The following KRI1 variants were observed in gnomAD, a reference collection of about 807,000 sequenced individuals.
The protein encoded by KRI1 is protein KRI1 homolog.
In KRI1, 83 loss-of-function variants were observed where a neutral mutation model predicts 97.0. The observed-to-expected ratio is 0.86, with a 90% CI of 0.72 to 1.03. The LOEUF (loss-of-function observed/expected upper bound fraction) is 1.03. Ranked by LOEUF, KRI1 falls within the 50% of genes least tolerant of loss-of-function variation. KRI1 has a pLI of 0.00. For missense variants in KRI1, 916 were observed against 928.4 expected (o/e 0.99, Z 0.17); for synonymous variants, 371 against 363.5 (o/e 1.02, Z -0.23).
intron 2 of KRI1, 156 bp from the exon 3 acceptor site, chr19:10,565,190 C>T: frequency 1.5e-6 from 1 of 653,342 alleles, no homozygotes; most frequent in Non-Finnish European, 2.7e-6. Context: ...GAGAGGGGCC[C>T]TCTTGGGGTG....
rs765399870 is a variant in KRI1, at chr19:10,560,957, C to T, written c.663+46G>A. 2.8e-5 allele frequency: 41 copies of T among 1,438,824 alleles called. No homozygotes were observed. In the Middle Eastern group the frequency reaches 5.3e-4, roughly 18 times the overall value. The allele number at this position is 1,438,824 out of a possible 1,614,324, so 89.1% of individuals were successfully genotyped here. The stretch of plus-strand genomic sequence containing the variant: ...TTTCTGTAAATAGGTTGGATGGACG[C>T]GGAACACGCGGTCTACTCCATCAGC... On this transcript the variant is annotated intron_variant, in intron 8 of 18. Transcript: ENST00000312962.
intron 4 of KRI1, 63 bp from the exon 5 acceptor site, chr19:10,561,908 T>TG: frequency 1.3e-6 from 2 of 1,493,490 alleles, no homozygotes; most frequent in Non-Finnish European, 1.9e-6. Context: ...CCCATGCCCA[T>TG]GCGGAGCAGC....
Position 10,559,507 on chromosome 19 carries a change from T to G in KRI1, c.1046A>C (p.Glu349Ala). 6.2e-7 allele frequency: 1 copy of G among 1,614,006 alleles called. No homozygotes were observed. The highest frequency in any genetic ancestry group is 8.5e-7 in the Non-Finnish European group (1 of 1,179,988). Residue 349 changes from glutamate to alanine, a missense_variant, in exon 12 of 19, where the codon GAG becomes GCG. Transcript: ENST00000312962. ...KKREKAKKQEELKQLKNLKRK... is the reference protein window; with the variant it reads ...KKREKAKKQEALKQLKNLKRK... The stretch of plus-strand genomic sequence containing the variant: ...CTTCAGGTTCTTCAGCTGCTTGAGC[T>G]CTTCCTGCTTCTTTGCTTTCTCCTG...
In KRI1 at chr19:10,558,001, C is replaced by T; in HGVS notation, c.1330G>A (p.Glu444Lys). The change falls in exon 14 of 19, where the codon GAG (glutamate) becomes AAG (lysine). Residue 444 changes from glutamate (E) to lysine (K), a missense_variant. This residue lies in a region of KRI1 where 672 missense variants were observed against 667.2 expected (regional missense o/e 1.01). Coordinates refer to ENST00000312962, the MANE Select transcript of KRI1 (RefSeq NM_023008.5). The stretch of plus-strand genomic sequence containing the variant: ...AAGTTGGGGTCCTCACAGTGCAGCT[C>T]CTGCTGGCTCCAGTCTCCCTCCTGC... ...PEQEGDWSQQ[E>K]LHCEDPNFNM... is the part of the protein sequence containing the mutation. The T allele has an allele frequency of 6.2e-7, 1 of 1,614,118 alleles. No individual in the cohort carries two copies. Among genetic ancestry groups the T allele is most frequent in the African/African-American group, 1.3e-5 (1 of 75,042 alleles).
chr19:10,557,907 C>A lies in KRI1; in HGVS notation c.1360-12G>T. The stretch of plus-strand genomic sequence containing the variant: ...TAGTCGGCGTCCATCTGCCAGGACG[C>A]ACAGGTCAGATCCCACCAGCCCCCC... On this transcript the variant is annotated splice_polypyrimidine_tract_variant and intron_variant, in intron 14 of 18. Coordinates refer to ENST00000312962, the MANE Select transcript of KRI1 (RefSeq NM_023008.5). The A allele has an allele frequency of 6.2e-7, 1 of 1,613,692 alleles. No individual in the cohort carries two copies. Among genetic ancestry groups the A allele is most frequent in the Admixed American group, 1.7e-5 (1 of 59,996 alleles).
intron 2 of KRI1, 67 bp from the exon 3 acceptor site, chr19:10,565,101 G>C: frequency 9.4e-7 from 1 of 1,059,414 alleles, no homozygotes. Flanking sequence ...GCGCCAGCAG[G>C]TGAGCTCAGC....
rs1568425459 is a variant in KRI1, at chr19:10,565,994, C to CGGCATGGCGGTTCT, written c.-9_5dup (p.Arg5ProfsTer13). On this transcript the variant is annotated frameshift_variant, in exon 1 of 19. Transcript: ENST00000312962. LOFTEE classifies it high-confidence loss of function. ...GCAGCTGCGACGACCCGCGCGGTTC[C>CGGCATGGCGGTTCT]GGCATGGCGGTTCTGTGGCCCATTG... 2 of 1,520,474 alleles carry CGGCATGGCGGTTCT rather than the reference C, an allele frequency of 1.3e-6. No homozygotes were observed. The highest frequency in any genetic ancestry group is 2.0e-5 in the Admixed American group (1 of 49,038). The allele number at this position is 1,520,474 out of a possible 1,614,324, so 94.2% of individuals were successfully genotyped here.
Position 10,554,035 on chromosome 19 carries a change from G to A in KRI1, c.2028C>T (p.Ala676=). Residue 676 remains alanine, a synonymous_variant, in exon 19 of 19, where the codon GCC becomes GCT. Coordinates refer to ENST00000312962, the MANE Select transcript of KRI1 (RefSeq NM_023008.5). ...GCAGCCGTTTGGGGTTGAGGCCAAAGGCCTGCAGTCTCTGGCGGCTGAACT... is the reference window on the plus strand; with the variant it reads ...GCAGCCGTTTGGGGTTGAGGCCAAAAGCCTGCAGTCTCTGGCGGCTGAACT... ...GCEFSRQRLQ[A]FGLNPKRLHF... is the part of the protein sequence containing the mutation. The A allele has an allele frequency of 6.2e-7, 1 of 1,614,206 alleles. No individual in the cohort carries two copies. The highest frequency in any genetic ancestry group is 8.5e-7 in the Non-Finnish European group (1 of 1,180,040).
intron 8 of KRI1, 30 bp downstream of exon 8, chr19:10,560,972 AC>A: frequency 6.6e-7 from 1 of 1,524,462 alleles, no homozygotes; most frequent in Non-Finnish European, 9.1e-7. Flanking sequence ...CACGCGGTCT[AC>A]TCCATCAGCG....
rs1008083372 is a variant in KRI1, at chr19:10,558,013, A to G, written c.1318T>C (p.Trp440Arg). ...TWDGPEQEGDWSQQELHCEDP... is the reference protein window; with the variant it reads ...TWDGPEQEGDRSQQELHCEDP... ...TCACAGTGCAGCTCCTGCTGGCTCCAGTCTCCCTCCTGCTCAGGCCCGTCC... is the reference window on the plus strand; with the variant it reads ...TCACAGTGCAGCTCCTGCTGGCTCCGGTCTCCCTCCTGCTCAGGCCCGTCC... Residue 440 changes from tryptophan (W) to arginine (R), a missense_variant, in exon 14 of 19, where the codon TGG (tryptophan) becomes CGG (arginine). By Grantham distance (101) the Trp-to-Arg change is moderately radical (BLOSUM62 -3). Coordinates refer to ENST00000312962, the MANE Select transcript of KRI1 (RefSeq NM_023008.5). 4 of 1,614,010 alleles carry G rather than the reference A, an allele frequency of 2.5e-6. No homozygotes were observed. Among genetic ancestry groups the G allele is most frequent in the Non-Finnish European group, 3.4e-6 (4 of 1,179,962 alleles).
chr19:10,553,256 C>G lies in KRI1; in HGVS notation c.*695G>C. ...CAGAGCCCATACACCTGTCTCCCAC[C>G]AGCGGGGCCCTCCTGGCAGGGTAGG... On this transcript the variant is annotated 3_prime_UTR_variant, in exon 19 of 19. Transcript: ENST00000312962. 1.4e-6 allele frequency: 1 copy of G among 710,998 alleles called. No individual in the cohort carries two copies. The highest frequency in any genetic ancestry group is 2.2e-6 in the Non-Finnish European group (1 of 461,320). The allele number at this position is 710,998 out of a possible 1,614,324, so 44.0% of individuals were successfully genotyped here. A position where few individuals can be genotyped will look rare whatever the true frequency, so the allele number is the denominator to read the frequency against.
rs1337706680 is a variant in KRI1, at chr19:10,559,409, CCT to C, written c.1142_1143del (p.Glu381GlyfsTer4). 1 of 1,614,090 alleles carries C rather than the reference CCT, an allele frequency of 6.2e-7. No homozygotes were observed. The highest frequency in any genetic ancestry group is 1.1e-5 in the South Asian group (1 of 91,084). On this transcript the variant is annotated frameshift_variant, in exon 12 of 19. Coordinates refer to ENST00000312962, the MANE Select transcript of KRI1 (RefSeq NM_023008.5). LOFTEE classifies it high-confidence loss of function. Reference sequence around the variant, plus strand: ...GGGTCGAAGTCGTCTTCAAGGTCCCCCTCCTCGAGGCCCAGCATCTCGTTGCC... The same window carrying C: ...GGGTCGAAGTCGTCTTCAAGGTCCCCCCTCGAGGCCCAGCATCTCGTTGCC... ...VTGNEMLGLE[E>X]GDLEDDFDPA...
Position 10,557,979 on chromosome 19 carries a change from T to C in KRI1, c.1352A>G (p.Asn451Ser). The C allele has an allele frequency of 6.2e-7, 1 of 1,614,064 alleles. No homozygotes were observed. The highest frequency in any genetic ancestry group is 8.5e-7 in the Non-Finnish European group (1 of 1,179,998). ...TCAACCCGTGATACCTACGTTGAAG[T>C]TGGGGTCCTCACAGTGCAGCTCCTG... is the stretch of plus-strand genomic sequence containing the variant. ...SQQELHCEDP[N>S]FNMDADYDPS... Residue 451 changes from asparagine (N) to serine (S), a missense_variant, in exon 14 of 19, where the codon AAC (asparagine) becomes AGC (serine). Asn to Ser is a conservative substitution (Grantham distance 46). Coordinates refer to ENST00000312962, the MANE Select transcript of KRI1 (RefSeq NM_023008.5).
Position 10,559,909 on chromosome 19 carries a change from A to G in KRI1, c.828T>C (p.Ala276=), listed in dbSNP as rs767042391. The part of the protein sequence containing the change: ...EGVHGPPVQL[A]VDDSSDEGEL... Reference sequence around the variant, plus strand: ...CCCCTTCGTCTGAGGAGTCGTCCACAGCCAGCTGGACTGGGGGACCGTGGA... The same window carrying G: ...CCCCTTCGTCTGAGGAGTCGTCCACGGCCAGCTGGACTGGGGGACCGTGGA... Residue 276 remains alanine (A), a synonymous_variant, in exon 10 of 19, where the codon GCT becomes GCC. Transcript: ENST00000312962. 6.2e-7 allele frequency: 1 copy of G among 1,612,610 alleles called. No individual in the cohort carries two copies. Among genetic ancestry groups the G allele is most frequent in the Non-Finnish European group, 8.5e-7 (1 of 1,179,958 alleles).
Position 10,553,860 on chromosome 19 carries a change from T to A in KRI1, c.*91A>T. 1 of 1,089,724 alleles carries A rather than the reference T, an allele frequency of 9.2e-7. No homozygotes were observed. Among genetic ancestry groups the A allele is most frequent in the Non-Finnish European group, 1.3e-6 (1 of 784,664 alleles). The allele number at this position is 1,089,724 out of a possible 1,614,324, so 67.5% of individuals were successfully genotyped here. ...GCGTGCCTGGCCACAGATGAGAGGA[T>A]CTCTGCAGCAGATAGTACTTGTGGG... is the stretch of plus-strand genomic sequence containing the variant. On this transcript the variant is annotated 3_prime_UTR_variant, in exon 19 of 19. Transcript: ENST00000312962.
At chr19:10,560,533 G>C (rs1678032738) in intron 8 of KRI1, 85 bp from the exon 9 acceptor site, 1 of 985,690 alleles carries the variant, frequency 1.0e-6, no homozygotes, top group African/African-American at 1.6e-5. Flanking sequence ...CTCACAGCCA[G>C]CCTCTGGAGT....
At chr19:10,557,043 C>A (rs529509250) in intron 16 of KRI1, among the ~76,000 whole-genome samples, 2 of 151,768 alleles carry the variant, frequency 1.3e-5, no homozygotes, top group Middle Eastern at 3.4e-3. Flanking sequence ...AAGCCCCCAC[C>A]TTGTAGAAGG....
Position 10,553,536 on chromosome 19 carries a change from T to C in KRI1, c.*415A>G, listed in dbSNP as rs916336150. ...AGCCTCAGTTTCCACATCCATAAAA[T>C]GGGACGACTTCCTTACCCACAGCTA... On this transcript the variant is annotated 3_prime_UTR_variant, in exon 19 of 19. Coordinates refer to ENST00000312962, the MANE Select transcript of KRI1 (RefSeq NM_023008.5). The C allele has an allele frequency of 5.4e-6, 1 of 183,866 alleles. No individual in the cohort carries two copies. The highest frequency in any genetic ancestry group is 2.4e-5 in the African/African-American group (1 of 42,350). The allele number at this position is 183,866 out of a possible 1,614,324, so 11.4% of individuals were successfully genotyped here. A position where few individuals can be genotyped will look rare whatever the true frequency, so the allele number is the denominator to read the frequency against.
In KRI1 at chr19:10,561,213, C is replaced by T. The variant is rs371184319; in HGVS notation, c.541G>A (p.Gly181Ser). Residue 181 changes from glycine to serine, a missense_variant, in exon 7 of 19, where the codon GGC (glycine) becomes AGC (serine). By Grantham distance (56) the Gly-to-Ser change is moderately conservative. This residue lies in a region of KRI1 where 71 missense variants were observed against 108.1 expected (regional missense o/e 0.66). Coordinates refer to ENST00000312962, the MANE Select transcript of KRI1 (RefSeq NM_023008.5). ...SEDEDGAGEGGSSLLQKRAKT... is the reference protein window; with the variant it reads ...SEDEDGAGEGSSSLLQKRAKT... Reference sequence around the variant, plus strand: ...GCACGTTTCTGCAGCAAACTGGAGCCGCCCTCCCCAGCGCCGTCCTCGTCC... The same window carrying T: ...GCACGTTTCTGCAGCAAACTGGAGCTGCCCTCCCCAGCGCCGTCCTCGTCC... 8 of 1,614,108 alleles carry T rather than the reference C, an allele frequency of 5.0e-6. No individual in the cohort carries two copies. The highest frequency in any genetic ancestry group is 1.1e-5 in the South Asian group (1 of 91,076).
Sources: gnomAD v4.1 joint callset for allele counts (sites outside exome capture counted in the v4.1 genomes callset) on GRCh38, gnomAD v4.1.1 for gene constraint, gnomAD v4.1.1 regional missense constraint, MANE v1.5 for transcripts, NCBI Gene and HGNC (gene_info 2026-07-23, HGNC 2026-07-21) for gene names.